The following PIWIL4 variants were observed in gnomAD, a reference collection of about 807,000 sequenced individuals.
The protein encoded by PIWIL4 is piwi like RNA-mediated gene silencing 4.
A neutral mutation model predicts 100.9 loss-of-function variants in PIWIL4; 50 were observed. The ratio of observed to expected loss-of-function variants is 0.50; its 90% confidence interval spans 0.39 to 0.63. The LOEUF (loss-of-function observed/expected upper bound fraction) is 0.63, where lower values mean the gene tolerates loss of function less well. Ranked by LOEUF, PIWIL4 falls within the 20% of genes least tolerant of loss-of-function variation. The pLI is 0.00. For synonymous variants in PIWIL4, 342 were observed against 367.5 expected, an observed-to-expected ratio of 0.93 and a Z score of 0.79; for missense variants, 887 against 1,043.3, an observed-to-expected ratio of 0.85 and a Z score of 2.06.
intron 6 of PIWIL4, 151 bp downstream of exon 6, chr11:94,585,676 A>C: frequency 1.8e-6 from 1 of 547,986 alleles, no homozygotes; most frequent in Non-Finnish European, 3.0e-6. Context: ...TTTTTTAATA[A>C]AATGGTTCAT....
intron 11 of PIWIL4, among the ~76,000 whole-genome samples, chr11:94,600,235 C>G (rs940731743): frequency 6.6e-6 from 1 of 152,136 alleles, no homozygotes; most frequent in Admixed American, 6.5e-5. Flanking sequence ...TCTAAGCATA[C>G]CTACTCCTAG....
chr11:94,617,978 A>G lies in PIWIL4; in HGVS notation c.2039A>G (p.Tyr680Cys). The change falls in exon 17 of 20, where the codon TAC becomes TGC. Residue 680 changes from tyrosine to cysteine, a missense_variant. Tyr to Cys is a radical substitution (Grantham distance 194). Coordinates refer to ENST00000299001, the MANE Select transcript of PIWIL4 (RefSeq NM_152431.3). The stretch of plus-strand genomic sequence containing the variant: ...GGAGCACTCAACAAATGGTACAAGT[A>G]CAATCATGATTTGCCAGCACGGATA... The part of the protein sequence containing the change: ...MTGALNKWYK[Y>C]NHDLPARIIV... 1 of 1,613,964 alleles carries G rather than the reference A, an allele frequency of 6.2e-7. No homozygotes were observed. The highest frequency in any genetic ancestry group is 1.6e-4 in the Middle Eastern group (1 of 6,062).
intron 1 of PIWIL4, 95 bp from the exon 2 acceptor site, chr11:94,568,635 T>C: frequency 1.1e-6 from 1 of 904,832 alleles, no homozygotes; most frequent in Non-Finnish European, 1.8e-6. Context: ...GCCTAGTTCA[T>C]GGTAATCTAA....
intron 2 of PIWIL4, among the ~76,000 whole-genome samples, chr11:94,570,567 A>C (rs1948138181): frequency 6.6e-6 from 1 of 152,020 alleles, no homozygotes; most frequent in East Asian, 1.9e-4. Flanking sequence ...ATTTTGGGGG[A>C]ACACAGTGTA....
At chr11:94,574,904 C>T in intron 2 of PIWIL4, 95 bp from the exon 3 acceptor site, 1 of 1,292,158 alleles carries the variant, frequency 7.7e-7, no homozygotes, top group Non-Finnish European at 1.1e-6. Flanking sequence ...TTCAAAACCA[C>T]AAGTTTGGAT....
intron 8 of PIWIL4, among the ~76,000 whole-genome samples, chr11:94,590,561 T>C (rs981275340): frequency 1.2e-4 from 18 of 152,182 alleles, no homozygotes; most frequent in Non-Finnish European, 2.5e-4. Context: ...TTCCAGAACA[T>C]ATTTGCATGA....
At chr11:94,598,796 C>T (rs1360225784) in intron 11 of PIWIL4, among the ~76,000 whole-genome samples, 4 of 150,572 alleles carry the variant, frequency 2.7e-5, no homozygotes, top group African/African-American at 9.8e-5. Context: ...CAGCCTTAAC[C>T]TCCTGGGCTC....
chr11:94,605,756 TTA>T (rs1381512420), intron 13 of PIWIL4, among the ~76,000 whole-genome samples: 1 of 152,206 alleles, frequency 6.6e-6, no homozygotes, highest in African/African-American at 2.4e-5. Flanking sequence ...GTTTGTTTCT[TTA>T]TATCTGCATA....
Position 94,567,514 on chromosome 11 carries a change from G to T in PIWIL4, c.-5G>T. 6.3e-7 allele frequency: 1 copy of T among 1,586,324 alleles called. No individual in the cohort carries two copies. ...TCTTGTGGCCACTCTGGGCTCACCG[G>T]GAACATGAGTGGAAGAGCCCGAGTG... On this transcript the variant is annotated 5_prime_UTR_variant, in exon 1 of 20. Coordinates refer to ENST00000299001, the MANE Select transcript of PIWIL4 (RefSeq NM_152431.3).
At chr11:94,586,404 C>T (rs1948399019) in intron 6 of PIWIL4, among the ~76,000 whole-genome samples, 1 of 152,098 alleles carries the variant, frequency 6.6e-6, no homozygotes, top group South Asian at 2.1e-4. Flanking sequence ...CATGCCATTT[C>T]TGTAACTTCT....
chr11:94,574,992 G>C lies in PIWIL4; in HGVS notation c.167-7G>C, dbSNP rs750445673. ...TTAGCTGTTACCACATTCTCTTCAT[G>C]TTTTAGATAAATATGGGATATCTTC... is the stretch of plus-strand genomic sequence containing the variant. On this transcript the variant is annotated splice_region_variant and splice_polypyrimidine_tract_variant and intron_variant, in intron 2 of 19. Coordinates refer to ENST00000299001, the MANE Select transcript of PIWIL4 (RefSeq NM_152431.3). 3 of 1,611,258 alleles carry C rather than the reference G, an allele frequency of 1.9e-6. No individual in the cohort carries two copies. Among genetic ancestry groups the C allele is most frequent in the Non-Finnish European group, 2.5e-6 (3 of 1,177,858 alleles).
intron 8 of PIWIL4, among the ~76,000 whole-genome samples, chr11:94,591,672 GT>G (rs1456135070): frequency 1.3e-5 from 2 of 152,058 alleles, no homozygotes; most frequent in South Asian, 2.1e-4. Context: ...CCCAGTCACT[GT>G]TTTTTTGAAA....
At chr11:94,579,277 A>T (rs1948282976) in intron 4 of PIWIL4, among the ~76,000 whole-genome samples, 1 of 152,222 alleles carries the variant, frequency 6.6e-6, no homozygotes, top group Non-Finnish European at 1.5e-5. Context: ...TTTTAATGCA[A>T]CCATTGGAAA....
Position 94,568,777 on chromosome 11 carries a change from C to G in PIWIL4, c.135C>G (p.Gly45=), listed in dbSNP as rs1294794859. 6.2e-7 allele frequency: 1 copy of G among 1,609,550 alleles called. No individual in the cohort carries two copies. The highest frequency in any genetic ancestry group is 2.2e-5 in the East Asian group (1 of 44,860). ...LSNNEASSSN[G]FLGTSRISTN... Reference sequence around the variant, plus strand: ...ACAATGAAGCATCCTCTAGCAATGGCTTCTTGGGAACAAGCAGGATCTCAA... The same window carrying G: ...ACAATGAAGCATCCTCTAGCAATGGGTTCTTGGGAACAAGCAGGATCTCAA... Residue 45 remains glycine, a synonymous_variant, in exon 2 of 20, where the codon GGC becomes GGG. Transcript: ENST00000299001.
At chr11:94,609,265 G>T (rs1293101004) in intron 15 of PIWIL4, among the ~76,000 whole-genome samples, 1 of 152,146 alleles carries the variant, frequency 6.6e-6, no homozygotes, top group East Asian at 1.9e-4. Context: ...ATTAATATTT[G>T]CAGACATTTG....
chr11:94,601,765 C>T (rs1283088458), intron 11 of PIWIL4, 30 bp from the exon 12 acceptor site: 2 of 1,605,686 alleles, frequency 1.2e-6, no homozygotes, highest in Non-Finnish European at 8.5e-7. Flanking sequence ...TAAATTTGTT[C>T]AATCCTTTCA....
chr11:94,572,480 G>A (rs1214699665), intron 2 of PIWIL4, among the ~76,000 whole-genome samples: 1 of 152,148 alleles, frequency 6.6e-6, no homozygotes, highest in African/African-American at 2.4e-5. Flanking sequence ...GCGTAGGGAA[G>A]GGATCCAGTT....
rs529651065 is a variant in PIWIL4 at position 94,577,559 on chromosome 11, A to G, written c.513+67A>G. The G allele has an allele frequency of 5.2e-5, 64 of 1,227,886 alleles. 1 individual carries two copies. The African/African-American group carries it at 9.1e-4, about 17-fold the overall frequency. 76.1% of individuals were successfully genotyped at this position (1,227,886 alleles called of 1,614,324 possible). A position where few individuals can be genotyped will look rare whatever the true frequency, so the allele number is the denominator to read the frequency against. On this transcript the variant is annotated intron_variant, in intron 4 of 19. Coordinates refer to ENST00000299001, the MANE Select transcript of PIWIL4 (RefSeq NM_152431.3). Reference sequence around the variant, plus strand: ...GTTTATTATATGTGTATACACACACACATATATATGCATATGCAAGGAGAT... The same window carrying G: ...GTTTATTATATGTGTATACACACACGCATATATATGCATATGCAAGGAGAT...
At position 94,587,168 on chromosome 11, in the gene PIWIL4, G is replaced by A. The variant is rs377575537; in HGVS notation, c.835G>A (p.Ala279Thr). ...TGAGACGGTTCTGGAATTCATGACT[G>A]CTCTCTGTCAAAGAACTGGCTTGTC... ...RNETVLEFMT[A>T]LCQRTGLSCF... The change falls in exon 7 of 20, where the codon GCT becomes ACT. Residue 279 changes from alanine to threonine, a missense_variant. Ala to Thr is a moderately conservative substitution (Grantham distance 58, BLOSUM62 0). Around this residue, in one of 2 missense-constraint regions of PIWIL4, gnomAD observed 741 missense variants for 930.0 expected, o/e 0.80. Coordinates refer to ENST00000299001, the MANE Select transcript of PIWIL4 (RefSeq NM_152431.3). The A allele has an allele frequency of 2.5e-6, 4 of 1,614,146 alleles. No individual in the cohort carries two copies. The highest frequency in any genetic ancestry group is 2.5e-6 in the Non-Finnish European group (3 of 1,180,012).
Sources: allele counts gnomAD v4.1 joint callset (sites outside exome capture counted in the v4.1 genomes callset), GRCh38; gene constraint gnomAD v4.1.1; regional missense constraint gnomAD v4.1.1; transcripts MANE v1.5; gene names NCBI Gene and HGNC (gene_info 2026-07-23, HGNC 2026-07-21).